PCDHA8: variants seen among roughly 807,000 people sequenced by gnomAD.
PCDHA8 encodes protocadherin alpha-8.
PCDHA8 carries 53 observed loss-of-function variants against 61.8 expected under a neutral mutation model. The observed-to-expected ratio is 0.86, with a 90% CI of 0.69 to 1.08. The LOEUF (loss-of-function observed/expected upper bound fraction) is 1.08. Ranked by LOEUF, PCDHA8 falls within the 50% of genes least tolerant of loss-of-function variation. The probability of loss-of-function intolerance (pLI) is 0.00; values close to 1 mark genes in which losing one functional copy is unlikely to be tolerated. For synonymous variants in PCDHA8, 618 were observed against 556.6 expected, an observed-to-expected ratio of 1.11 and a Z score of -1.55; for missense variants, 1,293 against 1,245.0, an observed-to-expected ratio of 1.04 and a Z score of -0.58.
intron 1 of PCDHA8, among the ~76,000 whole-genome samples, chr5:140,912,832 TA>T (rs1188685241): frequency 1.3e-5 from 2 of 152,202 alleles, no homozygotes; most frequent in African/African-American, 2.4e-5. Context: ...TGAATTTTAT[TA>T]AATGCTTTTT....
At chr5:140,877,207 G>T in intron 1 of PCDHA8, 1 of 1,613,796 alleles carries the variant, frequency 6.2e-7, no homozygotes, top group Non-Finnish European at 8.5e-7. Flanking sequence ...CGCAGTTAGC[G>T]AGTTGGTACC....
In PCDHA8 at chr5:141,010,166, A is replaced by G; in HGVS notation, c.*229A>G. 1 of 1,562,828 alleles carries G rather than the reference A, an allele frequency of 6.4e-7. No homozygotes were observed. The highest frequency in any genetic ancestry group is 8.7e-7 in the Non-Finnish European group (1 of 1,152,678). ...TCTCTCCACTCTGGCTTGTTTTCAG[A>G]ACCTAAAAAGCAGACCCAAGTTTCC... On this transcript the variant is annotated 3_prime_UTR_variant, in exon 4 of 4. Transcript: ENST00000531613.
rs1278190743 is a variant in PCDHA8, at chr5:140,891,784, G to C, written c.2394+48069G>C. 2.0e-5 allele frequency among the ~76,000 whole-genome samples: 3 copies of C among 152,152 alleles called. No homozygotes were observed. In the East Asian group the frequency reaches 5.8e-4, roughly 29 times the overall value. On this transcript the variant is annotated intron_variant, in intron 1 of 3. Coordinates refer to ENST00000531613, the MANE Select transcript of PCDHA8 (RefSeq NM_018911.3). ...GGTGGGGAATTTCAGGAAATGTTTA[G>C]ATTATGAGGGATCTGCCCTCATGAA...
intron 3 of PCDHA8, among the ~76,000 whole-genome samples, chr5:140,991,890 T>A (rs1192590580): frequency 1.3e-5 from 2 of 152,192 alleles, no homozygotes; most frequent in Non-Finnish European, 2.9e-5. Context: ...CCATAACAAA[T>A]TAACACAAAA....
chr5:140,884,699 C>A, intron 1 of PCDHA8: 3 of 1,500,334 alleles, frequency 2.0e-6, no homozygotes, highest in Non-Finnish European at 2.7e-6. Context: ...TTAGTAAACA[C>A]TTTAGCCTTC....
intron 1 of PCDHA8, chr5:140,850,688 G>C: frequency 1.3e-6 from 2 of 1,598,504 alleles, no homozygotes; most frequent in Non-Finnish European, 1.7e-6. Flanking sequence ...CCGAGGGCGA[G>C]TGCGCGCCTG....
chr5:140,946,363 A>T (rs2093934761), intron 1 of PCDHA8, among the ~76,000 whole-genome samples: 1 of 151,892 alleles, frequency 6.6e-6, no homozygotes, highest in African/African-American at 2.4e-5. Flanking sequence ...AGAAAAGGGA[A>T]CTCTTGCACA....
chr5:140,852,888 T>C, intron 1 of PCDHA8: 1 of 920,092 alleles, frequency 1.1e-6, no homozygotes, highest in Non-Finnish European at 1.3e-6. Context: ...AAAACGTATT[T>C]TTTTTTTTGA....
At chr5:140,912,174 A>G (rs2075803513) in intron 1 of PCDHA8, among the ~76,000 whole-genome samples, 1 of 152,166 alleles carries the variant, frequency 6.6e-6, no homozygotes, top group Non-Finnish European at 1.5e-5. Flanking sequence ...CTGTGCTGGC[A>G]GCTGATTAGA....
intron 1 of PCDHA8, among the ~76,000 whole-genome samples, chr5:140,910,365 A>G (rs1554194228): frequency 6.6e-6 from 1 of 152,164 alleles, no homozygotes; most frequent in Non-Finnish European, 1.5e-5. Flanking sequence ...TATGGTAGCT[A>G]TGCCCACCTT....
chr5:141,006,869 C>T (rs190273260), intron 3 of PCDHA8, among the ~76,000 whole-genome samples: 50 of 152,182 alleles, frequency 3.3e-4, no homozygotes, highest in African/African-American at 1.0e-3. Flanking sequence ...GGAATAGATT[C>T]GAGGAATCAA....
At chr5:140,998,853 T>G (rs575455675) in intron 3 of PCDHA8, among the ~76,000 whole-genome samples, 1 of 152,346 alleles carries the variant, frequency 6.6e-6, no homozygotes, top group South Asian at 2.1e-4. Flanking sequence ...GTGAGCCACA[T>G]GCCTGGCCTT....
Position 140,855,115 on chromosome 5 carries a change from T to G in PCDHA8, c.2394+11400T>G, listed in dbSNP as rs1220920177. On this transcript the variant is annotated intron_variant, in intron 1 of 3. Coordinates refer to ENST00000531613, the MANE Select transcript of PCDHA8 (RefSeq NM_018911.3). ...TGTGCAGTAGCAATAATTAAGGCAT[T>G]CTATAGGTAATAATTTTGCCTGATG... 1.3e-5 allele frequency among the ~76,000 whole-genome samples: 2 copies of G among 149,816 alleles called. 1 individual carries two copies. The highest frequency in any genetic ancestry group is 3.0e-5 in the Non-Finnish European group (2 of 67,072).
chr5:140,926,905 G>A (rs1228610236), intron 1 of PCDHA8: 1 of 1,558,988 alleles, frequency 6.4e-7, no homozygotes, highest in Admixed American at 1.8e-5. Flanking sequence ...GGTGGGCTGT[G>A]GGGTGGCAGT....
chr5:140,892,262 T>G (rs1554185143), intron 1 of PCDHA8, among the ~76,000 whole-genome samples: 1 of 152,188 alleles, frequency 6.6e-6, no homozygotes, highest in African/African-American at 2.4e-5. Flanking sequence ...TTTGATTTTG[T>G]GCTGAAAGTT....
intron 3 of PCDHA8, among the ~76,000 whole-genome samples, chr5:141,006,384 T>G (rs181638891): frequency 6.6e-6 from 1 of 152,126 alleles, no homozygotes; most frequent in African/African-American, 2.4e-5. Flanking sequence ...GCTAAGTTTT[T>G]TCTATTTTTT....
At chr5:140,871,405 C>T (rs1554165555) in intron 1 of PCDHA8, 10 of 1,614,106 alleles carry the variant, frequency 6.2e-6, no homozygotes, top group Non-Finnish European at 7.6e-6. Flanking sequence ...TAAGACGGAC[C>T]TCATGGCCTT....
intron 1 of PCDHA8, chr5:140,881,920 T>G (rs1205220705): frequency 1.2e-5 from 3 of 257,650 alleles, no homozygotes; most frequent in African/African-American, 6.6e-5. Flanking sequence ...TTGAGCAGAA[T>G]GCAGTGATTT....
chr5:140,984,413 C>A lies in PCDHA8; in HGVS notation c.2542+1850C>A, dbSNP rs75063168. Among the ~76,000 whole-genome samples, 1,502 of 152,262 alleles carry A rather than the reference C, an allele frequency of 9.9e-3. 20 individuals carry two copies. Among genetic ancestry groups the A allele is most frequent in the African/African-American group, 0.035 (1,434 of 41,536 alleles). On this transcript the variant is annotated intron_variant, in intron 3 of 3. Transcript: ENST00000531613. ...AAATGTTGAGAACCTATCTTTTTTA[C>A]AGAGATAGAGAAGGGGATCTCCCTT...
Sources: gnomAD v4.1 joint callset for allele counts (sites outside exome capture counted in the v4.1 genomes callset) on GRCh38, gnomAD v4.1.1 for gene constraint, MANE v1.5 for transcripts, NCBI Gene and HGNC (gene_info 2026-07-23, HGNC 2026-07-21) for gene names.